The following NTNG1 variants were observed in gnomAD, a reference collection of about 807,000 sequenced individuals.
The protein encoded by NTNG1 is netrin-G1.
A neutral mutation model predicts 54.0 loss-of-function variants in NTNG1; 16 were observed. The observed-to-expected ratio is 0.30, with a 90% CI of 0.20 to 0.45. The LOEUF (loss-of-function observed/expected upper bound fraction) is 0.45. Among genes scored for constraint, NTNG1 ranks in the 20% least tolerant of loss-of-function variants. NTNG1 has a pLI of 1.00. For missense variants in NTNG1, 530 were observed against 678.7 expected (o/e 0.78, Z 2.43); for synonymous variants, 255 against 263.1 (o/e 0.97, Z 0.30).
chr1:107,290,766 G>A (rs964633552), intron 2 of NTNG1, among the ~76,000 whole-genome samples: 1 of 151,578 alleles, frequency 6.6e-6, no homozygotes, highest in Non-Finnish European at 1.5e-5. Flanking sequence ...CTTGTTAAAT[G>A]GTAGGACCTC....
Position 107,480,648 on chromosome 1 carries a change from C to A in NTNG1, c.1428C>A (p.Asn476Lys), listed in dbSNP as rs1192335334. The A allele has an allele frequency of 7.5e-7, 1 of 1,340,940 alleles. No individual in the cohort carries two copies. Among genetic ancestry groups the A allele is most frequent in the Non-Finnish European group, 9.9e-7 (1 of 1,011,130 alleles). The allele number at this position is 1,340,940 out of a possible 1,614,324, so 83.1% of individuals were successfully genotyped here. ...ACAACGAGCTCCTGCACTGCCAGAA[C>A]GGAGGGACGTGCCACAACAACGTGC... is the stretch of plus-strand genomic sequence containing the variant. ...VCDNELLHCQ[N>K]GGTCHNNVRC... Residue 476 changes from asparagine to lysine, a missense_variant, in exon 8 of 8, where the codon AAC becomes AAA. Asn to Lys is a moderately conservative substitution (Grantham distance 94). Around this residue, in one of 2 missense-constraint regions of NTNG1, gnomAD observed 212 missense variants for 213.6 expected, o/e 0.99. Coordinates refer to ENST00000370068, the MANE Select transcript of NTNG1 (RefSeq NM_001113226.3).
At chr1:107,480,583 C>CCCCCCAACAAAA in intron 7 of NTNG1, 28 bp from the exon 8 acceptor site, 1 of 744,750 alleles carries the variant, frequency 1.3e-6, no homozygotes, top group Non-Finnish European at 2.3e-6. Flanking sequence ...CGCGCCCACC[C>CCCCCCAACAAAA]ACCCCTACCT....
intron 2 of NTNG1, among the ~76,000 whole-genome samples, chr1:107,291,588 C>T (rs771574532): frequency 6.6e-5 from 10 of 151,944 alleles, no homozygotes; most frequent in African/African-American, 2.4e-4. Context: ...ATAAATAATT[C>T]AAAAAATATT....
At chr1:107,414,884 C>T (rs1042941930) in intron 5 of NTNG1, among the ~76,000 whole-genome samples, 1 of 152,102 alleles carries the variant, frequency 6.6e-6, no homozygotes, top group African/African-American at 2.4e-5. Flanking sequence ...GGACTTTTAA[C>T]CCAGCCTGAG....
At chr1:107,210,716 G>A (rs1192615435) in intron 2 of NTNG1, among the ~76,000 whole-genome samples, 1 of 152,032 alleles carries the variant, frequency 6.6e-6, no homozygotes, top group East Asian at 1.9e-4. Flanking sequence ...TCACTGCCAA[G>A]GAATCTACAC....
At chr1:107,295,040 T>C (rs1228753713) in intron 2 of NTNG1, among the ~76,000 whole-genome samples, 1 of 152,208 alleles carries the variant, frequency 6.6e-6, no homozygotes, top group Non-Finnish European at 1.5e-5. Flanking sequence ...CTTTTGAAAA[T>C]AACTTTCAAT....
At chr1:107,418,962 GCACAGGCAT>G (rs1674399114) in intron 5 of NTNG1, among the ~76,000 whole-genome samples, 1 of 151,924 alleles carries the variant, frequency 6.6e-6, no homozygotes. Context: ...TGTGTGAGTG[GCACAGGCAT>G]CCTTTCAATG....
At chr1:107,353,549 G>T (rs1669758534) in intron 3 of NTNG1, among the ~76,000 whole-genome samples, 1 of 151,880 alleles carries the variant, frequency 6.6e-6, no homozygotes, top group African/African-American at 2.4e-5. Flanking sequence ...AGCAAATCTA[G>T]AAAGTTTGGA....
intron 7 of NTNG1, among the ~76,000 whole-genome samples, chr1:107,444,303 C>T (rs1288251895): frequency 6.6e-6 from 1 of 152,082 alleles, no homozygotes; most frequent in Non-Finnish European, 1.5e-5. Context: ...AGGGCTTATG[C>T]TGTGGAAAGG....
intron 2 of NTNG1, among the ~76,000 whole-genome samples, chr1:107,260,111 C>T (rs1402933765): frequency 6.6e-6 from 1 of 152,208 alleles, no homozygotes; most frequent in African/African-American, 2.4e-5. Context: ...CATGTCTCTT[C>T]ATGATAGTAA....
chr1:107,195,168 G>A (rs1658229413), intron 2 of NTNG1, among the ~76,000 whole-genome samples: 1 of 151,982 alleles, frequency 6.6e-6, no homozygotes, highest in Non-Finnish European at 1.5e-5. Context: ...TGTTTTCTAT[G>A]TTAAGCTTCA....
chr1:107,456,662 GT>G lies in NTNG1; in HGVS notation c.1390+19865del, dbSNP rs541153411. Among the ~76,000 whole-genome samples, 659 of 152,314 alleles carry G rather than the reference GT, an allele frequency of 4.3e-3. 4 individuals are homozygous for G. The highest frequency in any genetic ancestry group is 0.015 in the African/African-American group (634 of 41,562). On this transcript the variant is annotated intron_variant, in intron 7 of 7. Transcript: ENST00000370068. ...ATTTAATCCTTGACTCTGAAAGTAG[GT>G]TAAAGTATTGGGTAGCAAGTAGGGA...
chr1:107,227,705 C>T (rs1401823280), intron 2 of NTNG1, among the ~76,000 whole-genome samples: 2 of 151,966 alleles, frequency 1.3e-5, no homozygotes, highest in Admixed American at 1.3e-4. Flanking sequence ...CACACATACA[C>T]ACACACACAC....
At chr1:107,309,760 A>G (rs2101831604) in intron 2 of NTNG1, among the ~76,000 whole-genome samples, 1 of 152,270 alleles carries the variant, frequency 6.6e-6, no homozygotes, top group South Asian at 2.1e-4. Context: ...AAAAACCATT[A>G]ATGGCTTTCA....
chr1:107,312,324 T>A (rs1305483561), intron 2 of NTNG1, among the ~76,000 whole-genome samples: 3 of 152,284 alleles, frequency 2.0e-5, no homozygotes, highest in African/African-American at 7.2e-5. Context: ...TATTACTCTC[T>A]GAGTCAAGAA....
chr1:107,461,609 C>T (rs1677286770), intron 7 of NTNG1, among the ~76,000 whole-genome samples: 1 of 151,596 alleles, frequency 6.6e-6, no homozygotes, highest in Non-Finnish European at 1.5e-5. Context: ...TCTCGGCTCA[C>T]TGCAACCTCT....
At chr1:107,354,213 G>T (rs1669801085) in intron 3 of NTNG1, among the ~76,000 whole-genome samples, 1 of 152,068 alleles carries the variant, frequency 6.6e-6, no homozygotes, top group Admixed American at 6.6e-5. Context: ...GCTCATGCCT[G>T]TAATCCCAGC....
intron 7 of NTNG1, 42 bp from the exon 8 acceptor site, chr1:107,480,569 T>TACCCCCCCCC: frequency 4.9e-6 from 3 of 609,592 alleles, no homozygotes; most frequent in East Asian, 2.8e-5. Flanking sequence ...CTGCTTCTCC[T>TACCCCCCCCC]CCCCGCGCCC....
intron 3 of NTNG1, among the ~76,000 whole-genome samples, chr1:107,337,994 G>A (rs1031540900): frequency 1.2e-4 from 18 of 151,998 alleles, no homozygotes; most frequent in Non-Finnish European, 2.5e-4. Flanking sequence ...AATAGTAGTG[G>A]AGGATATTTA....
Sources: allele counts gnomAD v4.1 joint callset (sites outside exome capture counted in the v4.1 genomes callset), GRCh38; gene constraint gnomAD v4.1.1; regional missense constraint gnomAD v4.1.1; transcripts MANE v1.5; gene names NCBI Gene and HGNC (gene_info 2026-07-23, HGNC 2026-07-21).